Variants in CNTNAP4 observed in about 807,000 individuals in gnomAD.
The protein encoded by CNTNAP4 is contactin associated protein family member 4, also known as contactin-associated protein-like 4.
CNTNAP4 carries 98 observed loss-of-function variants against 148.4 expected under a neutral mutation model. The observed-to-expected ratio is 0.66, with a 90% confidence interval of 0.56 to 0.78. The LOEUF (loss-of-function observed/expected upper bound fraction) is 0.78. Among genes scored for constraint, CNTNAP4 ranks in the 30% least tolerant of loss-of-function variants. CNTNAP4 has a pLI of 0.00. For missense variants in CNTNAP4, 1,935 were observed against 1,565.6 expected (o/e 1.24, Z -3.98); for synonymous variants, 730 against 565.1 (o/e 1.29, Z -4.14).
At chr16:76,451,231 T>A (rs1451427536) in intron 7 of CNTNAP4, among the ~76,000 whole-genome samples, 1 of 152,236 alleles carries the variant, frequency 6.6e-6, no homozygotes, top group Non-Finnish European at 1.5e-5. Context: ...AATGTGTTGC[T>A]GGTGTTTTAA....
chr16:76,317,301 C>A (rs199510904), intron 2 of CNTNAP4, among the ~76,000 whole-genome samples: 30 of 63,048 alleles, frequency 4.8e-4, no homozygotes, highest in South Asian at 3.3e-3. Context: ...ACCCAAAAAA[C>A]CCCCCAAAAA....
chr16:76,479,610 T>A (rs2081739157), intron 12 of CNTNAP4, 72 bp downstream of exon 12: 1 of 1,498,238 alleles, frequency 6.7e-7, no homozygotes, highest in Non-Finnish European at 9.1e-7. Flanking sequence ...TAAAATGAAA[T>A]AAGCAGAATG....
intron 15 of CNTNAP4, among the ~76,000 whole-genome samples, chr16:76,509,810 G>T (rs2082947321): frequency 1.1e-5 from 1 of 94,672 alleles, no homozygotes; most frequent in Non-Finnish European, 3.0e-5. Flanking sequence ...ATTTCTTTTT[G>T]TCAGTTAGTT....
At chr16:76,331,128 T>C (rs1411838503) in intron 2 of CNTNAP4, among the ~76,000 whole-genome samples, 2 of 152,046 alleles carry the variant, frequency 1.3e-5, no homozygotes, top group Non-Finnish European at 2.9e-5. Context: ...TTAGTTGATT[T>C]TTTTTTTTGT....
At chr16:76,281,634 T>C (rs188763624) in intron 1 of CNTNAP4, among the ~76,000 whole-genome samples, 1 of 152,212 alleles carries the variant, frequency 6.6e-6, no homozygotes, top group Non-Finnish European at 1.5e-5. Context: ...CAAGATTAAA[T>C]TGACTTTTGT....
chr16:76,292,652 C>A (rs1959160929), intron 1 of CNTNAP4, among the ~76,000 whole-genome samples: 1 of 152,166 alleles, frequency 6.6e-6, no homozygotes, highest in Admixed American at 6.5e-5. Context: ...TCTCTTGGTA[C>A]TGATTTTGAT....
Position 76,521,298 on chromosome 16 carries a change from A to T in CNTNAP4, c.2524A>T (p.Ile842Leu). The change falls in exon 16 of 24, where the codon ATA becomes TTA. Residue 842 changes from isoleucine to leucine, a missense_variant. By Grantham distance (5) the Ile-to-Leu change is conservative. Coordinates refer to ENST00000611870, the MANE Select transcript of CNTNAP4 (RefSeq NM_033401.5). ...CTTGGGGATTGCTGATTTTATACGG[A>T]TAGAGCTTCGCTGTAAGTCTCCTTT... ...ENLGIADFIRIELRSPTVVTF... is the reference protein window; with the variant it reads ...ENLGIADFIRLELRSPTVVTF... The T allele has an allele frequency of 1.2e-6, 2 of 1,607,584 alleles. No homozygotes were observed. The highest frequency in any genetic ancestry group is 1.7e-6 in the Non-Finnish European group (2 of 1,178,084).
chr16:76,322,462 C>T (rs1414575452), intron 2 of CNTNAP4, among the ~76,000 whole-genome samples: 5 of 152,152 alleles, frequency 3.3e-5, no homozygotes, highest in South Asian at 2.1e-4. Context: ...AGTTGAAGAG[C>T]GACTTCTTTG....
intron 1 of CNTNAP4, among the ~76,000 whole-genome samples, chr16:76,297,214 C>T (rs189296931): frequency 1.3e-5 from 2 of 152,228 alleles, no homozygotes; most frequent in East Asian, 3.9e-4. Context: ...TCTTCTTGGG[C>T]ATTTAGATTT....
At position 76,507,187 on chromosome 16, in the gene CNTNAP4, T is replaced by C. The variant is rs1568442229; in HGVS notation, c.2365+8493T>C. Among the ~76,000 whole-genome samples the C allele has an allele frequency of 4.1e-5, 4 of 97,668 alleles. 1 individual carries two copies. The highest frequency in any genetic ancestry group is 7.7e-5 in the African/African-American group (3 of 38,996). 64.1% of individuals were successfully genotyped at this position (97,668 alleles called of 152,430 possible). On this transcript the variant is annotated intron_variant, in intron 15 of 23. Coordinates refer to ENST00000611870, the MANE Select transcript of CNTNAP4 (RefSeq NM_033401.5). ...TAATCACATCATGGAAAATTGGGTA[T>C]TCACCCCTTTAAGCATTTATCCTTT...
intron 3 of CNTNAP4, among the ~76,000 whole-genome samples, chr16:76,367,317 G>C (rs1180510916): frequency 6.6e-6 from 1 of 151,860 alleles, no homozygotes; most frequent in Non-Finnish European, 1.5e-5. Context: ...AGTATTAAAA[G>C]AAAATATAGG....
At chr16:76,280,433 T>G (rs1364657138) in intron 1 of CNTNAP4, among the ~76,000 whole-genome samples, 1 of 152,206 alleles carries the variant, frequency 6.6e-6, no homozygotes, top group Non-Finnish European at 1.5e-5. Context: ...TCTAAACTAC[T>G]AGACTCGTGC....
Position 76,316,393 on chromosome 16 carries a change from G to C in CNTNAP4, c.86-20G>C. The C allele has an allele frequency of 6.4e-7, 1 of 1,554,282 alleles. No homozygotes were observed. The highest frequency in any genetic ancestry group is 1.4e-5 in the African/African-American group (1 of 73,838). On this transcript the variant is annotated intron_variant, in intron 1 of 23. Coordinates refer to ENST00000611870, the MANE Select transcript of CNTNAP4 (RefSeq NM_033401.5). ...CCTCAGCACTAACTAACCCTAACGT[G>C]GCATTGTTCCTCCTGGCAGATGACT...
At chr16:76,525,868 A>T (rs1375869777) in intron 17 of CNTNAP4, among the ~76,000 whole-genome samples, 2 of 148,518 alleles carry the variant, frequency 1.3e-5, no homozygotes, top group Non-Finnish European at 3.0e-5. Flanking sequence ...ACTATATATA[A>T]ACTATGTAAC....
chr16:76,386,798 A>G (rs2016552693), intron 3 of CNTNAP4, among the ~76,000 whole-genome samples: 1 of 152,184 alleles, frequency 6.6e-6, no homozygotes, highest in African/African-American at 2.4e-5. Context: ...TCAGATGATC[A>G]TAGTAAGATT....
At chr16:76,367,704 T>C (rs577209224) in intron 3 of CNTNAP4, among the ~76,000 whole-genome samples, 103 of 152,292 alleles carry the variant, frequency 6.8e-4, no homozygotes, top group African/African-American at 2.4e-3. Flanking sequence ...AATATCCCAA[T>C]AACTGTCACT....
chr16:76,383,395 G>GA (rs34346486), intron 3 of CNTNAP4, among the ~76,000 whole-genome samples: 6,430 of 58,174 alleles, frequency 0.11, 178 homozygotes, highest in Middle Eastern at 0.14. Context: ...TACAGGAACA[G>GA]AAAAAAAAAA....
chr16:76,281,923 AT>A (rs1434083856), intron 1 of CNTNAP4, among the ~76,000 whole-genome samples: 1 of 151,968 alleles, frequency 6.6e-6, no homozygotes, highest in African/African-American at 2.4e-5. Flanking sequence ...TATTAGTATT[AT>A]ATTTTGAATT....
chr16:76,281,401 T>C (rs1958683316), intron 1 of CNTNAP4, among the ~76,000 whole-genome samples: 1 of 152,124 alleles, frequency 6.6e-6, no homozygotes, highest in Non-Finnish European at 1.5e-5. Flanking sequence ...ATCTATTCAG[T>C]CCATTTTCTC....
Sources: allele counts gnomAD v4.1 joint callset (sites outside exome capture counted in the v4.1 genomes callset), GRCh38; gene constraint gnomAD v4.1.1; transcripts MANE v1.5; gene names NCBI Gene and HGNC (gene_info 2026-07-23, HGNC 2026-07-21).